The following MBD6 variants were observed in gnomAD, a reference collection of about 807,000 sequenced individuals.
MBD6 encodes the protein methyl-CpG binding domain protein 6, also known as methyl-CpG-binding domain protein 6.
MBD6 carries 22 observed loss-of-function variants against 66.8 expected under a neutral mutation model. The ratio of observed to expected loss-of-function variants is 0.33; its 90% CI spans 0.24 to 0.47. The LOEUF (loss-of-function observed/expected upper bound fraction) is 0.47, where lower values mean the gene tolerates loss of function less well. Ranked by LOEUF, MBD6 falls within the 20% of genes least tolerant of loss-of-function variation. The pLI is 1.00. For synonymous variants in MBD6, 540 were observed against 534.6 expected (o/e 1.01, Z -0.14); for missense variants, 1,322 against 1,286.9 (o/e 1.03, Z -0.42).
Position 57,529,301 on chromosome 12 carries a change from T to C in MBD6, c.*67T>C. 6.4e-7 allele frequency: 1 copy of C among 1,553,754 alleles called. No individual in the cohort carries two copies. The highest frequency in any genetic ancestry group is 8.9e-7 in the Non-Finnish European group (1 of 1,129,212). On this transcript the variant is annotated 3_prime_UTR_variant, in exon 13 of 13. Transcript: ENST00000355673. ...CTGAGTGCTGAGCCTTGGGAGCCCC[T>C]GCCAGCCACCTGCACCTGTGGACAG... is the stretch of plus-strand genomic sequence containing the variant.
downstream of MBD6, chr12:57,530,181 C>T (rs574414394): frequency 6.6e-6 from 1 of 152,624 alleles, no homozygotes; most frequent in Admixed American, 6.5e-5. Flanking sequence ...TTATTTAGTT[C>T]TTTGGTAAGA....
At position 57,527,912 on chromosome 12, in the gene MBD6, T is replaced by G. The variant is rs1250815831; in HGVS notation, c.2301T>G (p.Pro767=). 1.2e-6 allele frequency: 2 copies of G among 1,613,180 alleles called. No homozygotes were observed. Among genetic ancestry groups the G allele is most frequent in the Non-Finnish European group, 1.7e-6 (2 of 1,179,766 alleles). The change falls in exon 9 of 13, where the codon CCT becomes CCG. Residue 767 remains proline, a synonymous_variant. Transcript: ENST00000355673. ...ALPSLLQPPG[P]LLSGQLGLQL... is the part of the protein sequence containing the mutation. ...CCAGCCTGTTGCAGCCTCCTGGCCC[T>G]CTTCTCTCTGGCCAGTTGGGGCTGC...
intron 11 of MBD6, 63 bp downstream of exon 11, chr12:57,528,781 A>C: frequency 1.2e-6 from 2 of 1,609,122 alleles, no homozygotes. Context: ...GGACAGTTCT[A>C]ATGTCCAAAT....
intron 10 of MBD6, 50 bp from the exon 11 acceptor site, chr12:57,528,616 T>C (rs781298796): frequency 6.2e-7 from 1 of 1,613,506 alleles, no homozygotes; most frequent in East Asian, 2.2e-5. Context: ...AGGTTGGGGC[T>C]TTGGAGCCTT....
rs1436923027 is a variant in MBD6, at chr12:57,529,766, T to C, written c.*532T>C. ...GTTGCTCAAAGCACAGATCCTCTCT[T>C]ACCCCGTCCCCAGGTTTGAAACACA... On this transcript the variant is annotated 3_prime_UTR_variant, in exon 13 of 13. Transcript: ENST00000355673. 6.4e-6 allele frequency: 1 copy of C among 156,228 alleles called. No individual in the cohort carries two copies. Among genetic ancestry groups the C allele is most frequent in the African/African-American group, 2.4e-5 (1 of 41,438 alleles). 9.7% of individuals were successfully genotyped at this position (156,228 alleles called of 1,614,324 possible).
chr12:57,528,524 T>A lies in MBD6; in HGVS notation c.2784T>A (p.Asp928Glu). ...ELAEGGAEPK[D>E]PPPPGPHSED... ...CTGAAGGGGGTGCTGAGCCCAAGGATCCACCCCCTCCCGGGCCCCATTCTG... is the reference window on the plus strand; with the variant it reads ...CTGAAGGGGGTGCTGAGCCCAAGGAACCACCCCCTCCCGGGCCCCATTCTG... The change falls in exon 10 of 13, where the codon GAT becomes GAA. Residue 928 changes from aspartate (D) to glutamate (E), a missense_variant. Asp to Glu is a conservative substitution (Grantham distance 45). Transcript: ENST00000355673. 2 of 1,612,616 alleles carry A rather than the reference T, an allele frequency of 1.2e-6. No homozygotes were observed. The highest frequency in any genetic ancestry group is 1.7e-6 in the Non-Finnish European group (2 of 1,179,046).
At chr12:57,529,129 C>T in intron 12 of MBD6, 31 bp from the exon 13 acceptor site, 1 of 1,613,734 alleles carries the variant, frequency 6.2e-7, no homozygotes, top group Non-Finnish European at 8.5e-7. Context: ...TAGCAATTGA[C>T]CACTTCTATC....
Position 57,528,459 on chromosome 12 carries a change from C to T in MBD6, c.2719C>T (p.Pro907Ser), listed in dbSNP as rs745995883. 1 of 1,613,862 alleles carries T rather than the reference C, an allele frequency of 6.2e-7. No individual in the cohort carries two copies. Among genetic ancestry groups the T allele is most frequent in the East Asian group, 2.2e-5 (1 of 44,876 alleles). The change falls in exon 10 of 13, where the codon CCA (proline) becomes TCA (serine). Residue 907 changes from proline (P) to serine (S), a missense_variant. Transcript: ENST00000355673. ...CTTCAATGGACAAATGGAAAGGTCC[C>T]CAAGAAGAACCCACCATTGGCAGCA... is the stretch of plus-strand genomic sequence containing the variant. Reference protein sequence around the residue: ...GGFNGQMERSPRRTHHWQHNG... With the variant: ...GGFNGQMERSSRRTHHWQHNG...
Position 57,525,523 on chromosome 12 carries a change from C to G in MBD6, c.555C>G (p.Phe185Leu). The change falls in exon 6 of 13, where the codon TTC becomes TTG. Residue 185 changes from phenylalanine to leucine, a missense_variant. Phe to Leu is a conservative substitution (Grantham distance 22). Coordinates refer to ENST00000355673, the MANE Select transcript of MBD6 (RefSeq NM_052897.4). The part of the protein sequence containing the change: ...FPTLAGPGGL[F>L]PPRLADPVPS... Reference sequence around the variant, plus strand: ...CTCTAGCAGGCCCTGGGGGGCTTTTCCCCCCAAGGCTTGCTGACCCAGTCC... The same window carrying G: ...CTCTAGCAGGCCCTGGGGGGCTTTTGCCCCCAAGGCTTGCTGACCCAGTCC... 1 of 1,574,828 alleles carries G rather than the reference C, an allele frequency of 6.3e-7. No individual in the cohort carries two copies. The highest frequency in any genetic ancestry group is 1.2e-5 in the South Asian group (1 of 84,780).
In MBD6 at chr12:57,529,504, G is replaced by A; in HGVS notation, c.*270G>A. 2 of 377,958 alleles carry A rather than the reference G, an allele frequency of 5.3e-6. No individual in the cohort carries two copies. Among genetic ancestry groups the A allele is most frequent in the Non-Finnish European group, 9.4e-6 (2 of 212,778 alleles). The allele number at this position is 377,958 out of a possible 1,614,324, so 23.4% of individuals were successfully genotyped here. On this transcript the variant is annotated 3_prime_UTR_variant, in exon 13 of 13. Coordinates refer to ENST00000355673, the MANE Select transcript of MBD6 (RefSeq NM_052897.4). ...TGGTATATGGCCCTTTCCCCACCAG[G>A]CGCTAAGGGGAACACCCCCTTCCCC...
rs1357707996 is a variant in MBD6 at position 57,528,362 on chromosome 12, A to G, written c.2622A>G (p.Pro874=). The G allele has an allele frequency of 4.3e-6, 7 of 1,612,250 alleles. No individual in the cohort carries two copies. The highest frequency in any genetic ancestry group is 5.1e-6 in the Non-Finnish European group (6 of 1,179,748). ...GGGGCATTAATGGTGAGGCCAGGCC[A>G]GCCCGGGGCCGAAAGCCTGGCAGCC... ...GLRGINGEAR[P]ARGRKPGSRR... Residue 874 remains proline, a synonymous_variant, in exon 10 of 13, where the codon CCA becomes CCG. Transcript: ENST00000355673.
chr12:57,522,229 G>A (rs961962979), upstream of MBD6, among the ~76,000 whole-genome samples: 5 of 152,178 alleles, frequency 3.3e-5, no homozygotes, highest in African/African-American at 9.7e-5. Flanking sequence ...TGAAAATGGG[G>A]GTAGTGTGGA....
chr12:57,527,338 G>C, intron 7 of MBD6, 111 bp downstream of exon 7: 1 of 1,101,226 alleles, frequency 9.1e-7, no homozygotes, highest in South Asian at 1.6e-5. Context: ...GGGCCTTTGG[G>C]GAGGCCTTAG....
chr12:57,530,698 C>G, downstream of MBD6: 1 of 1,613,814 alleles, frequency 6.2e-7, no homozygotes, highest in Non-Finnish European at 8.5e-7. Context: ...CTCACTTTCC[C>G]AGCTTCTTCA....
chr12:57,527,737 A>T, intron 8 of MBD6, 77 bp downstream of exon 8: 1 of 1,552,772 alleles, frequency 6.4e-7, no homozygotes, highest in Non-Finnish European at 8.7e-7. Context: ...TGGCTGAATA[A>T]ATTGGGGAAG....
Position 57,529,258 on chromosome 12 carries a change from G to C in MBD6, c.*24G>C, listed in dbSNP as rs1879355920. ...AGCAGCCATACCTGGAGCTGGATCTGACCCTGATTGGGGAGAGCTGAGTGC... is the reference window on the plus strand; with the variant it reads ...AGCAGCCATACCTGGAGCTGGATCTCACCCTGATTGGGGAGAGCTGAGTGC... On this transcript the variant is annotated 3_prime_UTR_variant, in exon 13 of 13. Transcript: ENST00000355673. 6.2e-7 allele frequency: 1 copy of C among 1,613,424 alleles called. No homozygotes were observed. The highest frequency in any genetic ancestry group is 1.7e-5 in the Admixed American group (1 of 59,996).
rs1878976448 is a variant in MBD6 at position 57,526,556 on chromosome 12, T to C, written c.1421-10T>C. 19 of 1,510,574 alleles carry C rather than the reference T, an allele frequency of 1.3e-5. No individual in the cohort carries two copies. The highest frequency in any genetic ancestry group is 1.6e-5 in the Non-Finnish European group (18 of 1,131,022). The allele number at this position is 1,510,574 out of a possible 1,614,324, so 93.6% of individuals were successfully genotyped here. A position where few individuals can be genotyped will look rare whatever the true frequency, so the allele number is the denominator to read the frequency against. ...CCTCCCTTGAGCTGAATTTCTCTCC[T>C]CTTTTACAGGTGCCCCTGCCCCACC... On this transcript the variant is annotated splice_polypyrimidine_tract_variant and intron_variant, in intron 6 of 12. Coordinates refer to ENST00000355673, the MANE Select transcript of MBD6 (RefSeq NM_052897.4).
upstream of MBD6, chr12:57,521,014 C>T (rs1490622498): frequency 2.0e-5 from 3 of 152,590 alleles, no homozygotes; most frequent in Admixed American, 2.0e-4. Flanking sequence ...AGCTGCTGTT[C>T]CGCCCACCTA....
At chr12:57,523,256 C>T (rs1878558040) in intron 1 of MBD6, 1 of 151,794 alleles carries the variant, frequency 6.6e-6, no homozygotes, top group Non-Finnish European at 1.5e-5. Flanking sequence ...GCCTTCCCCT[C>T]CTCCTCAAGC....
Sources: gnomAD v4.1 joint callset for allele counts (sites outside exome capture counted in the v4.1 genomes callset) on GRCh38, gnomAD v4.1.1 for gene constraint, MANE v1.5 for transcripts, NCBI Gene and HGNC (gene_info 2026-07-23, HGNC 2026-07-21) for gene names.